The following SETDB2 variants were observed in gnomAD, a reference collection of about 807,000 sequenced individuals.
SETDB2 encodes SET domain bifurcated histone lysine methyltransferase 2.
Under a neutral mutation model 82.5 loss-of-function variants are expected in SETDB2, and 56 were observed. The observed-to-expected ratio is 0.68, with a 90% CI of 0.55 to 0.85. The LOEUF (loss-of-function observed/expected upper bound fraction) is 0.85, where lower values mean the gene tolerates loss of function less well. Ranked by LOEUF, SETDB2 falls within the 40% of genes least tolerant of loss-of-function variation. The pLI is 0.00. For missense variants in SETDB2, 677 were observed against 816.4 expected (o/e 0.83, Z 2.08); for synonymous variants, 272 against 284.9 (o/e 0.95, Z 0.46).
intron 4 of SETDB2, chr13:49,464,034 A>G (rs778609158): frequency 3.9e-6 from 3 of 772,846 alleles, no homozygotes; most frequent in Non-Finnish European, 4.8e-6. Flanking sequence ...CATCACAGAA[A>G]GAAGTGAATG....
Position 49,491,882 on chromosome 13 carries a change from T to G in SETDB2, c.*33T>G. On this transcript the variant is annotated 3_prime_UTR_variant, in exon 14 of 14. Coordinates refer to ENST00000611815, the MANE Select transcript of SETDB2 (RefSeq NM_001160308.3). Reference sequence around the variant, plus strand: ...ACTAACGCCTGTTTGTGAAATTAGCTTATCAGGCTGAAATTAAAGCCATGC... The same window carrying G: ...ACTAACGCCTGTTTGTGAAATTAGCGTATCAGGCTGAAATTAAAGCCATGC... 1 of 1,432,872 alleles carries G rather than the reference T, an allele frequency of 7.0e-7. No homozygotes were observed. The highest frequency in any genetic ancestry group is 9.8e-7 in the Non-Finnish European group (1 of 1,016,104). 88.8% of individuals were successfully genotyped at this position (1,432,872 alleles called of 1,614,324 possible). A position where few individuals can be genotyped will look rare whatever the true frequency, so the allele number is the denominator to read the frequency against.
At chr13:49,457,062 T>C (rs553355129) in intron 2 of SETDB2, among the ~76,000 whole-genome samples, 28 of 152,328 alleles carry the variant, frequency 1.8e-4, no homozygotes, top group African/African-American at 6.5e-4. Context: ...TTTTCTTTGA[T>C]TGGCTTTGTG....
At chr13:49,458,972 C>T (rs946833989) in intron 2 of SETDB2, among the ~76,000 whole-genome samples, 8 of 152,214 alleles carry the variant, frequency 5.3e-5, no homozygotes, top group Non-Finnish European at 1.2e-4. Context: ...CATGCCCTAC[C>T]TGCCTTTTAA....
At chr13:49,463,727 C>A (rs9562883) in intron 4 of SETDB2, among the ~76,000 whole-genome samples, 17,319 of 151,706 alleles carry the variant, frequency 0.11, 1,110 homozygotes, top group Admixed American at 0.17. Flanking sequence ...CTTCACTCCA[C>A]CACTGCTTAG....
intron 2 of SETDB2, among the ~76,000 whole-genome samples, chr13:49,457,400 A>G (rs1957905199): frequency 7.2e-6 from 1 of 138,660 alleles, no homozygotes; most frequent in South Asian, 2.3e-4. Context: ...ATTTCCTACC[A>G]AATAATTTAG....
At chr13:49,478,742 C>T (rs1221707708) in intron 6 of SETDB2, among the ~76,000 whole-genome samples, 1 of 152,048 alleles carries the variant, frequency 6.6e-6, no homozygotes, top group Non-Finnish European at 1.5e-5. Context: ...GCCTGAGCAA[C>T]CTAGCGAAAC....
At chr13:49,471,601 A>T (rs946648325) in intron 5 of SETDB2, among the ~76,000 whole-genome samples, 6 of 152,010 alleles carry the variant, frequency 3.9e-5, no homozygotes, top group African/African-American at 9.7e-5. Context: ...TTAAGCCATT[A>T]AATTTTTATG....
chr13:49,464,735 G>A (rs1958067222), intron 4 of SETDB2, among the ~76,000 whole-genome samples: 1 of 152,090 alleles, frequency 6.6e-6, no homozygotes, highest in Non-Finnish European at 1.5e-5. Flanking sequence ...TGACACTGTT[G>A]GCAAATGTAA....
intron 5 of SETDB2, among the ~76,000 whole-genome samples, chr13:49,471,913 C>CATATATATATATATATATAT (rs1232849321): frequency 2.8e-4 from 30 of 107,708 alleles, no homozygotes; most frequent in East Asian, 9.7e-4. Context: ...TCTCATGTGA[C>CATATATATATATATATATAT]ATATATATAT....
chr13:49,477,395 A>G (rs961139706), intron 6 of SETDB2, among the ~76,000 whole-genome samples: 6 of 152,124 alleles, frequency 3.9e-5, no homozygotes, highest in Non-Finnish European at 8.8e-5. Flanking sequence ...GTGATCACAC[A>G]CTGTACCAGA....
At position 49,494,568 on chromosome 13, in the gene SETDB2, T is replaced by C. The variant is rs1394749668; in HGVS notation, c.*2719T>C. 4 of 152,198 alleles carry C rather than the reference T, an allele frequency of 2.6e-5. No individual in the cohort carries two copies. The highest frequency in any genetic ancestry group is 9.6e-5 in the African/African-American group (4 of 41,454). 9.4% of individuals were successfully genotyped at this position (152,198 alleles called of 1,614,324 possible). ...GCTATCTTGCTGGGGAACACCCTAA[T>C]GTCAGTCTCTTTATAAAGGGCCTTT... On this transcript the variant is annotated 3_prime_UTR_variant, in exon 14 of 14. Coordinates refer to ENST00000611815, the MANE Select transcript of SETDB2 (RefSeq NM_001160308.3).
At chr13:49,477,366 G>C (rs1958389116) in intron 6 of SETDB2, among the ~76,000 whole-genome samples, 1 of 152,098 alleles carries the variant, frequency 6.6e-6, no homozygotes, top group African/African-American at 2.4e-5. Flanking sequence ...AGCCCAGGAG[G>C]TCAAGGATGC....
intron 5 of SETDB2, among the ~76,000 whole-genome samples, chr13:49,470,293 A>C (rs1259417603): frequency 6.6e-6 from 1 of 152,148 alleles, no homozygotes; most frequent in Non-Finnish European, 1.5e-5. Flanking sequence ...GAGCATTCTG[A>C]GATCTTTTCA....
chr13:49,469,530 C>T (rs919682776), intron 5 of SETDB2, among the ~76,000 whole-genome samples: 3 of 152,192 alleles, frequency 2.0e-5, no homozygotes, highest in African/African-American at 4.8e-5. Context: ...TATTTAGAAG[C>T]CACACCCTTG....
intron 5 of SETDB2, among the ~76,000 whole-genome samples, chr13:49,468,865 C>T (rs1310244656): frequency 6.6e-6 from 1 of 151,822 alleles, no homozygotes; most frequent in East Asian, 1.9e-4. Flanking sequence ...TTCAGTGGCT[C>T]ACAAAACATT....
intron 5 of SETDB2, among the ~76,000 whole-genome samples, chr13:49,474,234 C>T (rs992756859): frequency 4.6e-5 from 7 of 152,174 alleles, no homozygotes; most frequent in Non-Finnish European, 7.4e-5. Flanking sequence ...TGCACTCCAG[C>T]CTGGGCAATA....
chr13:49,467,198 G>C (rs534335073), intron 4 of SETDB2, among the ~76,000 whole-genome samples: 4 of 152,172 alleles, frequency 2.6e-5, no homozygotes, highest in African/African-American at 9.6e-5. Flanking sequence ...AGGAGTTCGA[G>C]ATCAGCCTGG....
chr13:49,482,947 C>T lies in SETDB2; in HGVS notation c.1367C>T (p.Pro456Leu). ...TGTCCACCAAAGTTCAGTAATAATCCCAAGGAGCTTACTGTGTAAGTAACA... is the reference window on the plus strand; with the variant it reads ...TGTCCACCAAAGTTCAGTAATAATCTCAAGGAGCTTACTGTGTAAGTAACA... ...EKCPPKFSNN[P>L]KELTVETKYD... Residue 456 changes from proline to leucine, a missense_variant, in exon 9 of 14, where the codon CCC (proline) becomes CTC (leucine). Physicochemically the swap from Pro to Leu is moderately conservative, Grantham distance 98. Coordinates refer to ENST00000611815, the MANE Select transcript of SETDB2 (RefSeq NM_001160308.3). 1 of 1,607,664 alleles carries T rather than the reference C, an allele frequency of 6.2e-7. No homozygotes were observed. The highest frequency in any genetic ancestry group is 1.3e-5 in the African/African-American group (1 of 74,772).
rs1225572909 is a variant in SETDB2, at chr13:49,467,908, G to A, written c.253G>A (p.Ala85Thr). ...GAAGGAACAGGAAAACAAATCCAAT[G>A]CATTTCCCTCTACATCATGTGAAAA... Reference protein sequence around the residue: ...TQKEQENKSNAFPSTSCENSF... With the variant: ...TQKEQENKSNTFPSTSCENSF... Residue 85 changes from alanine to threonine, a missense_variant, in exon 5 of 14, where the codon GCA becomes ACA. This residue lies in a region of SETDB2 where 243 missense variants were observed against 237.2 expected (regional missense o/e 1.02). Transcript: ENST00000611815. 4.3e-6 allele frequency: 7 copies of A among 1,611,366 alleles called. No homozygotes were observed. The highest frequency in any genetic ancestry group is 5.9e-6 in the Non-Finnish European group (7 of 1,179,088).
Sources: gnomAD v4.1 joint callset for allele counts (sites outside exome capture counted in the v4.1 genomes callset) on GRCh38, gnomAD v4.1.1 for gene constraint, gnomAD v4.1.1 regional missense constraint, MANE v1.5 for transcripts, NCBI Gene and HGNC (gene_info 2026-07-23, HGNC 2026-07-21) for gene names.